The following FIBCD1 variants were observed in gnomAD, a reference collection of about 807,000 sequenced individuals.
The protein encoded by FIBCD1 is fibrinogen C domain containing 1.
In FIBCD1, 47 loss-of-function variants were observed where a neutral mutation model predicts 45.1. The ratio of observed to expected loss-of-function variants is 1.04; its 90% confidence interval spans 0.82 to 1.33. FIBCD1 has a LOEUF of 1.33. Ranked by LOEUF, FIBCD1 falls within the 40% of genes most tolerant of loss-of-function variation. FIBCD1 has a pLI of 0.00. For missense variants in FIBCD1, 653 were observed against 682.2 expected (o/e 0.96, Z 0.48); for synonymous variants, 313 against 308.1 (o/e 1.02, Z -0.17).
chr9:130,928,702 C>T lies in FIBCD1; in HGVS notation c.552+865G>A, dbSNP rs1349189627. Among the ~76,000 whole-genome samples the T allele has an allele frequency of 3.9e-5, 6 of 152,128 alleles. No homozygotes were observed. In the South Asian group the frequency reaches 1.0e-3, roughly 26 times the overall value. On this transcript the variant is annotated intron_variant, in intron 2 of 6. Coordinates refer to ENST00000372338, the MANE Select transcript of FIBCD1 (RefSeq NM_032843.5). ...GGCGCCCGTGGGGGCAGGGGCTTGG[C>T]TCCTAGCCTCCAGGGATCTGAGTCA...
upstream of FIBCD1, among the ~76,000 whole-genome samples, chr9:130,939,724 C>G (rs1832587345): frequency 1.3e-5 from 2 of 152,110 alleles, no homozygotes; most frequent in African/African-American, 4.8e-5. Flanking sequence ...TTCTCCTCCG[C>G]CGGGAGGGGA....
At chr9:130,932,688 C>T (rs1050991127) in intron 1 of FIBCD1, among the ~76,000 whole-genome samples, 3 of 152,204 alleles carry the variant, frequency 2.0e-5, no homozygotes, top group Non-Finnish European at 4.4e-5. Context: ...CTCTGTGCTC[C>T]CCCCGTTAGG....
At chr9:130,912,011 AGGGGCCT>A in intron 4 of FIBCD1, 123 bp from the exon 5 acceptor site, 2 of 840,850 alleles carry the variant, frequency 2.4e-6, no homozygotes, top group Non-Finnish European at 3.7e-6. Flanking sequence ...TCGGGAGGGC[AGGGGCCT>A]GGTTGCCCAC....
chr9:130,921,741 T>A (rs1832264888), intron 4 of FIBCD1, among the ~76,000 whole-genome samples: 1 of 152,222 alleles, frequency 6.6e-6, no homozygotes, highest in South Asian at 2.1e-4. Context: ...CTCCTCACTG[T>A]TCCGCCCGCC....
upstream of FIBCD1, among the ~76,000 whole-genome samples, chr9:130,940,379 G>A (rs1053584579): frequency 2.6e-5 from 4 of 152,278 alleles, no homozygotes; most frequent in Non-Finnish European, 5.9e-5. Context: ...CCGGCTTCCC[G>A]GACTGAGGCT....
At chr9:130,917,449 CATGGAGGAAGGA>C (rs1207986772) in intron 4 of FIBCD1, among the ~76,000 whole-genome samples, 68 of 148,226 alleles carry the variant, frequency 4.6e-4, no homozygotes, top group African/African-American at 1.8e-3. Flanking sequence ...CGGCTCTGGA[CATGGAGGAAGGA>C]GTGACAGCTC....
intron 4 of FIBCD1, among the ~76,000 whole-genome samples, chr9:130,913,378 A>G (rs1019707197): frequency 6.6e-6 from 1 of 151,956 alleles, no homozygotes; most frequent in African/African-American, 2.4e-5. Context: ...TGCCAGTTTC[A>G]TTACTAAGCA....
chr9:130,902,587 C>G lies in FIBCD1; in HGVS notation c.*1477G>C, dbSNP rs1831854713. The G allele has an allele frequency of 6.6e-6, 1 of 152,290 alleles. No homozygotes were observed. The highest frequency in any genetic ancestry group is 1.5e-5 in the Non-Finnish European group (1 of 68,070). 9.4% of individuals were successfully genotyped at this position (152,290 alleles called of 1,614,324 possible). A position where few individuals can be genotyped will look rare whatever the true frequency, so the allele number is the denominator to read the frequency against. On this transcript the variant is annotated 3_prime_UTR_variant, in exon 7 of 7. Transcript: ENST00000372338. Reference sequence around the variant, plus strand: ...GAAGGGAGAACGGAACCCCACACCCCCTAGGCACCTGCCATCGGGTGTCCT... The same window carrying G: ...GAAGGGAGAACGGAACCCCACACCCGCTAGGCACCTGCCATCGGGTGTCCT...
chr9:130,915,521 G>A (rs1199170384), intron 4 of FIBCD1, among the ~76,000 whole-genome samples: 3 of 152,068 alleles, frequency 2.0e-5, no homozygotes, highest in East Asian at 1.9e-4. Context: ...TGGCCAACAC[G>A]GTGAAACCCC....
At chr9:130,935,658 T>C (rs1388541305) in intron 1 of FIBCD1, among the ~76,000 whole-genome samples, 1 of 152,198 alleles carries the variant, frequency 6.6e-6, no homozygotes, top group Admixed American at 6.5e-5. Context: ...CCACACAGCC[T>C]GGACACTGCA....
chr9:130,928,683 C>T (rs959126743), intron 2 of FIBCD1, among the ~76,000 whole-genome samples: 3 of 151,294 alleles, frequency 2.0e-5, no homozygotes, highest in Non-Finnish European at 2.9e-5. Context: ...CTTGGGCGCC[C>T]GTGGGGGCAG....
intron 1 of FIBCD1, among the ~76,000 whole-genome samples, chr9:130,937,320 C>T (rs1227227147): frequency 6.6e-6 from 1 of 152,114 alleles, no homozygotes; most frequent in Non-Finnish European, 1.5e-5. Context: ...AGTTTGAATC[C>T]CCACTCTCTT....
chr9:130,937,717 G>A (rs1274829973), intron 1 of FIBCD1, among the ~76,000 whole-genome samples: 1 of 152,196 alleles, frequency 6.6e-6, no homozygotes, highest in Non-Finnish European at 1.5e-5. Context: ...TCCCTTGGCA[G>A]CCCAGCCTGG....
At chr9:130,934,696 G>C (rs1018624430) in intron 1 of FIBCD1, among the ~76,000 whole-genome samples, 1 of 152,322 alleles carries the variant, frequency 6.6e-6, no homozygotes, top group East Asian at 1.9e-4. Context: ...CCAAACCAGC[G>C]TCTCTCCACC....
intron 1 of FIBCD1, 116 bp downstream of exon 1, chr9:130,938,420 G>T: frequency 2.3e-6 from 2 of 858,192 alleles, no homozygotes; most frequent in Non-Finnish European, 3.2e-6. Context: ...GGCCTCCGGA[G>T]CCTCGAAGGG....
intron 5 of FIBCD1, among the ~76,000 whole-genome samples, 196 bp downstream of exon 5, chr9:130,911,596 C>A (rs896430897): frequency 1.3e-5 from 2 of 152,260 alleles, no homozygotes; most frequent in South Asian, 4.1e-4. Context: ...CACGCTGACA[C>A]TTCCGTTGGC....
At chr9:130,917,476 C>T (rs1378415847) in intron 4 of FIBCD1, among the ~76,000 whole-genome samples, 2 of 151,710 alleles carry the variant, frequency 1.3e-5, no homozygotes, top group Admixed American at 6.5e-5. Flanking sequence ...CAGCTCTGGA[C>T]GCGGAGGAAG....
At chr9:130,931,535 A>C (rs780523232) in intron 1 of FIBCD1, among the ~76,000 whole-genome samples, 1 of 151,356 alleles carries the variant, frequency 6.6e-6, no homozygotes, top group Non-Finnish European at 1.5e-5. Context: ...AAAACAAAAA[A>C]CAAAAACGGA....
chr9:130,929,278 G>A (rs1023317349), intron 2 of FIBCD1, among the ~76,000 whole-genome samples: 4 of 152,180 alleles, frequency 2.6e-5, no homozygotes, highest in African/African-American at 9.7e-5. Context: ...GAAGCCCCAA[G>A]CCCTGGATTT....
Sources: gnomAD v4.1 joint callset for allele counts (sites outside exome capture counted in the v4.1 genomes callset) on GRCh38, gnomAD v4.1.1 for gene constraint, MANE v1.5 for transcripts, NCBI Gene and HGNC (gene_info 2026-07-23, HGNC 2026-07-21) for gene names.